FANCB: variants seen among roughly 807,000 people sequenced by gnomAD.
FANCB encodes the protein Fanconi anemia group B protein.
In FANCB, 5 loss-of-function variants were observed where a neutral mutation model predicts 38.9. That is an observed-to-expected ratio of 0.13 (90% CI 0.07 to 0.27). The LOEUF is 0.27. Ranked by LOEUF, FANCB falls within the 10% of genes least tolerant of loss-of-function variation. FANCB has a pLI of 1.00. For synonymous variants in FANCB, 236 were observed against 215.4 expected, an observed-to-expected ratio of 1.10 and a Z score of -0.84; for missense variants, 573 against 602.7, an observed-to-expected ratio of 0.95 and a Z score of 0.52.
At chrX:14,692,969 C>T in the FANCB span, among the ~76,000 whole-genome samples, 3 of 110,105 alleles carry the variant, frequency 2.7e-5, no homozygotes, top group African/African-American at 9.9e-5. Flanking sequence ...ATCTAAAGCA[C>T]CAGCATGGCA....
At chrX:14,867,150 ATAC>A (rs1462237154) in intron 2 of FANCB, among the ~76,000 whole-genome samples, 1 of 111,754 alleles carries the variant, frequency 8.9e-6, no homozygotes, top group Non-Finnish European at 1.9e-5. Flanking sequence ...TAAAATGGCC[ATAC>A]TACCCAAAGC....
At chrX:14,774,519 T>C in the FANCB span, among the ~76,000 whole-genome samples, 1 of 111,905 alleles carries the variant, frequency 8.9e-6, no homozygotes, top group Non-Finnish European at 1.9e-5. Flanking sequence ...AAAAGTTGGC[T>C]CCATACTTCA....
the FANCB span, among the ~76,000 whole-genome samples, chrX:14,789,033 G>A: frequency 1.8e-5 from 2 of 111,940 alleles, no homozygotes; most frequent in Admixed American, 1.9e-4. Flanking sequence ...TTAGAGTCAG[G>A]TCCTATCCTA....
chrX:14,691,686 G>C, the FANCB span, among the ~76,000 whole-genome samples: 1 of 111,772 alleles, frequency 8.9e-6, no homozygotes, highest in Admixed American at 9.5e-5. Flanking sequence ...GGCAATTCTG[G>C]TGTGCAGACA....
At chrX:14,767,280 G>T in the FANCB span, among the ~76,000 whole-genome samples, 1 of 111,708 alleles carries the variant, frequency 9.0e-6, no homozygotes, top group East Asian at 2.8e-4. Flanking sequence ...CTTCCATAAT[G>T]GTTGAATTAA....
At chrX:14,848,403 T>C (rs748218294) in intron 7 of FANCB, among the ~76,000 whole-genome samples, 1 of 109,935 alleles carries the variant, frequency 9.1e-6, no homozygotes, top group Non-Finnish European at 1.9e-5. Context: ...AGCCTATAAA[T>C]GGACGCACAG....
the FANCB span, among the ~76,000 whole-genome samples, chrX:14,745,989 C>T: frequency 3.6e-5 from 4 of 110,694 alleles, no homozygotes; most frequent in African/African-American, 9.9e-5. Context: ...CGTGAGCCAC[C>T]GCACCCGGCC....
In FANCB at chrX:14,843,906, T is replaced by G. The variant is rs2147387279; in HGVS notation, c.2241A>C (p.Leu747=). The G allele has an allele frequency of 8.3e-7, 1 of 1,205,686 alleles. No homozygotes were observed. The highest frequency in any genetic ancestry group is 1.7e-5 in the African/African-American group (1 of 57,659). Residue 747 remains leucine, a synonymous_variant, in exon 10 of 10, where the codon CTA becomes CTC. Transcript: ENST00000650831. ...ILPINCFLKN[L]KSGSENFLID... ...TTAGGAAATTCTCACTTCCTGATTT[T>G]AGATTTTTGAGGAAACAGTTTATAG... is the stretch of plus-strand genomic sequence containing the variant.
At chrX:14,732,701 T>C in the FANCB span, among the ~76,000 whole-genome samples, 1 of 112,369 alleles carries the variant, frequency 8.9e-6, no homozygotes, top group Non-Finnish European at 1.9e-5. Flanking sequence ...TGTCTGTTCA[T>C]ATCCTTTGCC....
the FANCB span, among the ~76,000 whole-genome samples, chrX:14,736,368 T>G: frequency 1.8e-5 from 2 of 111,524 alleles, no homozygotes; most frequent in South Asian, 7.6e-4. Context: ...CCTGGTGGTG[T>G]AGGCATCCAA....
At chrX:14,702,492 T>C in the FANCB span, among the ~76,000 whole-genome samples, 1 of 112,338 alleles carries the variant, frequency 8.9e-6, no homozygotes, top group Non-Finnish European at 1.9e-5. Flanking sequence ...TTTCCAAATC[T>C]GGGATGTATA....
intron 2 of FANCB, among the ~76,000 whole-genome samples, chrX:14,865,960 T>C (rs73441304): frequency 2.8e-3 from 317 of 111,907 alleles, no homozygotes; most frequent in African/African-American, 8.9e-3. Context: ...CTCTCTGCCT[T>C]AGCCCCTTTA....
At chrX:14,723,978 C>T in the FANCB span, among the ~76,000 whole-genome samples, 4 of 111,977 alleles carry the variant, frequency 3.6e-5, no homozygotes, top group African/African-American at 1.3e-4. Context: ...TTGCTCTCCA[C>T]TGGATCCCCG....
At chrX:14,822,155 T>C in the FANCB span, among the ~76,000 whole-genome samples, 1 of 110,523 alleles carries the variant, frequency 9.0e-6, no homozygotes. Flanking sequence ...TTTGGAGAGG[T>C]CTGAGAGCTG....
At chrX:14,761,154 A>C in the FANCB span, among the ~76,000 whole-genome samples, 6 of 111,616 alleles carry the variant, frequency 5.4e-5, no homozygotes. Flanking sequence ...GTAATTTTTA[A>C]AGGTTTATTT....
chrX:14,775,843 T>C, the FANCB span, among the ~76,000 whole-genome samples: 4 of 111,628 alleles, frequency 3.6e-5, no homozygotes, highest in Non-Finnish European at 7.5e-5. Flanking sequence ...CCAATACTTA[T>C]GGAGGGTCCT....
At chrX:14,817,560 T>C in the FANCB span, among the ~76,000 whole-genome samples, 32 of 111,534 alleles carry the variant, frequency 2.9e-4, 2 homozygotes. Flanking sequence ...CAGACATTAA[T>C]TTAAAAATAA....
chrX:14,798,383 C>T, the FANCB span, among the ~76,000 whole-genome samples: 1 of 111,059 alleles, frequency 9.0e-6, no homozygotes, highest in Admixed American at 9.6e-5. Flanking sequence ...AGGATGATCT[C>T]GATCTCCTGA....
rs986821056 is a variant in FANCB, at chrX:14,873,029, T to C, written c.-235A>G. On this transcript the variant is annotated 5_prime_UTR_variant, in exon 1 of 10. The change creates a new upstream start codon in the 5' untranslated region. Coordinates refer to ENST00000650831, the MANE Select transcript of FANCB (RefSeq NM_001018113.3). The stretch of plus-strand genomic sequence containing the variant: ...TACCGGAGGCCCCACGTCGATACGG[T>C]ATCCATCTGCTCCAAACCTCCCGCC... 5.7e-5 allele frequency: 8 copies of C among 141,433 alleles called. No individual in the cohort carries two copies. The highest frequency in any genetic ancestry group is 2.5e-4 in the African/African-American group (8 of 31,745). The allele number at this position is 141,433 out of a possible 1,213,427, so 11.7% of individuals were successfully genotyped here.
Sources: allele counts gnomAD v4.1 joint callset (sites outside exome capture counted in the v4.1 genomes callset), GRCh38; gene constraint gnomAD v4.1.1; transcripts MANE v1.5; gene names NCBI Gene and HGNC (gene_info 2026-07-23, HGNC 2026-07-21).